Variants in PIP5K1C observed in about 807,000 individuals in gnomAD.
The protein encoded by PIP5K1C is phosphatidylinositol-4-phosphate 5-kinase type 1 gamma.
A neutral mutation model predicts 80.1 loss-of-function variants in PIP5K1C; 45 were observed. That is an observed-to-expected ratio of 0.56 (90% CI 0.44 to 0.72). The LOEUF (loss-of-function observed/expected upper bound fraction) is 0.72. Among genes scored for constraint, PIP5K1C ranks in the 30% least tolerant of loss-of-function variants. The pLI is 0.00. For missense variants in PIP5K1C, 753 were observed against 954.6 expected, an observed-to-expected ratio of 0.79 and a Z score of 2.78; for synonymous variants, 498 against 420.1, an observed-to-expected ratio of 1.19 and a Z score of -2.27.
At chr19:3,636,555 G>C (rs1032600443) in intron 16 of PIP5K1C, 15 of 985,422 alleles carry the variant, frequency 1.5e-5, no homozygotes, top group Non-Finnish European at 1.6e-5. Context: ...GGTCTCTCCA[G>C]TGCTCCTCCT....
chr19:3,645,847 G>GC lies in PIP5K1C; in HGVS notation c.1345+126dup, dbSNP rs1242184966. The GC allele has an allele frequency of 1.2e-5, 9 of 781,906 alleles. No individual in the cohort carries two copies. The Admixed American group carries it at 1.6e-4, about 14-fold the overall frequency. The allele number at this position is 781,906 out of a possible 1,614,324, so 48.4% of individuals were successfully genotyped here. ...CCGGATGAGGCCCGGTCTGAGGGGG[G>GC]CACAGGGGCTCTGAGTTTACTGCCC... On this transcript the variant is annotated intron_variant, in intron 11 of 17. Transcript: ENST00000335312.
intron 8 of PIP5K1C, among the ~76,000 whole-genome samples, chr19:3,651,055 G>A (rs1403307257): frequency 1.6e-5 from 2 of 127,292 alleles, no homozygotes; most frequent in African/African-American, 6.1e-5. Context: ...CGCGCCCAGC[G>A]TTTTTTTTTT....
rs967221904 is a variant in PIP5K1C at position 3,637,500 on chromosome 19, C to T, written c.1920+1384G>A. The T allele has an allele frequency of 6.5e-7, 1 of 1,535,592 alleles. No individual in the cohort carries two copies. Among genetic ancestry groups the T allele is most frequent in the African/African-American group, 1.4e-5 (1 of 73,042 alleles). ...CTCCCTGCTGCCCGAGGGGCACTGC[C>T]CCTTCTCCCCAGGGTGGCCGGCTGC... is the stretch of plus-strand genomic sequence containing the variant. On this transcript the variant is annotated intron_variant, in intron 16 of 17. Coordinates refer to ENST00000335312, the MANE Select transcript of PIP5K1C (RefSeq NM_012398.3). The surrounding 1 kb of genome is among the most constrained non-coding windows in gnomAD (Gnocchi z 7.0).
chr19:3,689,286 C>T (rs925330220), intron 1 of PIP5K1C, among the ~76,000 whole-genome samples: 3 of 152,188 alleles, frequency 2.0e-5, no homozygotes, highest in African/African-American at 7.2e-5. Flanking sequence ...CACAGGAACC[C>T]GACCTTGGGT....
At chr19:3,647,786 A>G (rs1362800233) in intron 9 of PIP5K1C, among the ~76,000 whole-genome samples, 1 of 152,192 alleles carries the variant, frequency 6.6e-6, no homozygotes, top group Non-Finnish European at 1.5e-5. Flanking sequence ...ATCTCTACTA[A>G]AAATACAAAA....
In PIP5K1C at chr19:3,646,475, C is replaced by T. The variant is rs117594208; in HGVS notation, c.1261-417G>A. Among the ~76,000 whole-genome samples, 143 of 152,162 alleles carry T rather than the reference C, an allele frequency of 9.4e-4. 2 individuals carry two copies. The East Asian group carries it at 0.023, about 25-fold the overall frequency. On this transcript the variant is annotated intron_variant, in intron 10 of 17. Transcript: ENST00000335312. ...AGCCTCCTTGGGTGAGGAGTGGCCA[C>T]GTACCAGGACTGTGAACGACTCCAC...
intron 14 of PIP5K1C, among the ~76,000 whole-genome samples, chr19:3,642,149 C>T (rs1348091056): frequency 2.0e-5 from 3 of 152,218 alleles, no homozygotes; most frequent in Non-Finnish European, 2.9e-5. Flanking sequence ...TCCCGGCCGC[C>T]GGGCCTGGCC....
rs115661842 is a variant in PIP5K1C at position 3,651,155 on chromosome 19, C to T, written c.1127+671G>A. On this transcript the variant is annotated intron_variant, in intron 8 of 17. Coordinates refer to ENST00000335312, the MANE Select transcript of PIP5K1C (RefSeq NM_012398.3). ...CTGCAACCTCCGCCTGCCACGCTCA[C>T]GCCTGCCACGCCTTCAGCCTCCCAA... is the stretch of plus-strand genomic sequence containing the variant. Among the ~76,000 whole-genome samples the T allele has an allele frequency of 4.8e-3, 732 of 151,656 alleles. 5 individuals carry two copies. The highest frequency in any genetic ancestry group is 0.017 in the African/African-American group (684 of 41,318).
At chr19:3,700,202 C>T (rs2036253459) in intron 1 of PIP5K1C, 95 bp downstream of exon 1, 3 of 689,094 alleles carry the variant, frequency 4.4e-6, no homozygotes, top group Non-Finnish European at 1.9e-6. Flanking sequence ...GCCCCCGCAG[C>T]GACCGTGCAG....
In PIP5K1C at chr19:3,633,009, G is replaced by T; in HGVS notation, c.*158C>A. 1.8e-6 allele frequency: 1 copy of T among 548,528 alleles called. No individual in the cohort carries two copies. The highest frequency in any genetic ancestry group is 3.2e-5 in the East Asian group (1 of 31,130). The allele number at this position is 548,528 out of a possible 1,614,324, so 34.0% of individuals were successfully genotyped here. A position where few individuals can be genotyped will look rare whatever the true frequency, so the allele number is the denominator to read the frequency against. The stretch of plus-strand genomic sequence containing the variant: ...GGCCCTGGGAGGCTTGTCGGGGAGG[G>T]GCCCGGCCGTCGGCATCCGTGCAGG... On this transcript the variant is annotated 3_prime_UTR_variant, in exon 18 of 18. Coordinates refer to ENST00000335312, the MANE Select transcript of PIP5K1C (RefSeq NM_012398.3).
chr19:3,639,957 C>T (rs190425115), intron 15 of PIP5K1C, among the ~76,000 whole-genome samples: 3 of 152,274 alleles, frequency 2.0e-5, no homozygotes, highest in Admixed American at 6.5e-5. Context: ...CCTGCCATGT[C>T]GGAGGTACAG....
At position 3,638,942 on chromosome 19, in the gene PIP5K1C, C is replaced by A. The variant is rs1568310133; in HGVS notation, c.1862G>T (p.Gly621Val). Reference protein sequence around the residue: ...ETASQASDEEGAPASQASDEE... With the variant: ...ETASQASDEEVAPASQASDEE... ...GTCCGAGGCCTGGCTGGCAGGTGCGCCCTCCTCGTCTGAGGCCTGGCTGGC... is the reference window on the plus strand; with the variant it reads ...GTCCGAGGCCTGGCTGGCAGGTGCGACCTCCTCGTCTGAGGCCTGGCTGGC... Residue 621 changes from glycine to valine, a missense_variant, in exon 16 of 18, where the codon GGC (glycine) becomes GTC (valine). Gly to Val is a moderately radical substitution (Grantham distance 109). Coordinates refer to ENST00000335312, the MANE Select transcript of PIP5K1C (RefSeq NM_012398.3). The A allele has an allele frequency of 6.2e-7, 1 of 1,612,272 alleles. No individual in the cohort carries two copies. The highest frequency in any genetic ancestry group is 8.5e-7 in the Non-Finnish European group (1 of 1,179,876).
Position 3,661,174 on chromosome 19 carries a change from T to A in PIP5K1C, c.351-91A>T, listed in dbSNP as rs1046629225. The A allele has an allele frequency of 7.1e-6, 6 of 850,706 alleles. No individual in the cohort carries two copies. In the Admixed American group the frequency reaches 7.9e-5, roughly 11 times the overall value. The allele number at this position is 850,706 out of a possible 1,614,324, so 52.7% of individuals were successfully genotyped here. A position where few individuals can be genotyped will look rare whatever the true frequency, so the allele number is the denominator to read the frequency against. The stretch of plus-strand genomic sequence containing the variant: ...GGTCCCTCCTAGTGCCTCTAGCAGC[T>A]GAGCCTCTAGCGGCTCAGCTCCAAG... On this transcript the variant is annotated intron_variant, in intron 4 of 17. Coordinates refer to ENST00000335312, the MANE Select transcript of PIP5K1C (RefSeq NM_012398.3).
chr19:3,638,908 GTCC>G lies in PIP5K1C; in HGVS notation c.1893_1895del (p.Glu631del). The G allele has an allele frequency of 6.2e-7, 1 of 1,612,786 alleles. No homozygotes were observed. Among genetic ancestry groups the G allele is most frequent in the Non-Finnish European group, 8.5e-7 (1 of 1,179,922 alleles). On this transcript the variant is annotated inframe_deletion, in exon 16 of 18. Transcript: ENST00000335312. The stretch of plus-strand genomic sequence containing the variant: ...CAAAGTAGATGTCGGTGGCGGGCGC[GTCC>G]TCCTCGTCCGAGGCCTGGCTGGCAG...
intron 9 of PIP5K1C, 36 bp from the exon 10 acceptor site, chr19:3,647,422 A>G (rs778161253): frequency 5.1e-5 from 80 of 1,555,906 alleles, no homozygotes; most frequent in Non-Finnish European, 6.7e-5. Flanking sequence ...AGCTGACATC[A>G]GCCAAGCCCA....
chr19:3,661,776 TGCTTTCAGCA>T, intron 4 of PIP5K1C, 85 bp downstream of exon 4: 3 of 1,495,482 alleles, frequency 2.0e-6, no homozygotes, highest in Non-Finnish European at 2.8e-6. Flanking sequence ...GGCCAGGTGC[TGCTTTCAGCA>T]GAGAAGGGCG....
chr19:3,664,008 C>T (rs1187857287), intron 3 of PIP5K1C, among the ~76,000 whole-genome samples: 2 of 152,186 alleles, frequency 1.3e-5, no homozygotes, highest in South Asian at 2.1e-4. Flanking sequence ...GCAGCACGGG[C>T]GCCCCACGCA....
At chr19:3,674,478 C>A (rs1023324269) in intron 1 of PIP5K1C, among the ~76,000 whole-genome samples, 1 of 151,644 alleles carries the variant, frequency 6.6e-6, no homozygotes, top group Non-Finnish European at 1.5e-5. Flanking sequence ...TCAGCCTCCC[C>A]CGAGTAGCTG....
intron 1 of PIP5K1C, among the ~76,000 whole-genome samples, chr19:3,699,775 G>C (rs933386101): frequency 1.3e-5 from 2 of 152,198 alleles, no homozygotes; most frequent in African/African-American, 4.8e-5. Context: ...GGAAAAGGGG[G>C]CGACAGGGCA....
Sources: allele counts gnomAD v4.1 joint callset (sites outside exome capture counted in the v4.1 genomes callset), GRCh38; gene constraint gnomAD v4.1.1; non-coding constraint Gnocchi (gnomAD v3.1); transcripts MANE v1.5; gene names NCBI Gene and HGNC (gene_info 2026-07-23, HGNC 2026-07-21).